SRP54: variants seen among roughly 807,000 people sequenced by gnomAD.
The protein encoded by SRP54 is signal recognition particle subunit SRP54.
In SRP54, 10 loss-of-function variants were observed where a neutral mutation model predicts 64.8. That is an observed-to-expected ratio of 0.15 (90% CI 0.10 to 0.26). SRP54 has a LOEUF of 0.26. SRP54 is among the 10% of genes least tolerant of loss of function. The probability of loss-of-function intolerance (pLI) is 1.00; values close to 1 mark genes in which losing one functional copy is unlikely to be tolerated. For synonymous variants in SRP54, 193 were observed against 185.6 expected (o/e 1.04, Z -0.32); for missense variants, 325 against 613.7 (o/e 0.53, Z 4.97).
intron 1 of SRP54, among the ~76,000 whole-genome samples, chr14:34,993,984 C>T (rs1316747783): frequency 1.3e-5 from 2 of 150,342 alleles, no homozygotes; most frequent in Non-Finnish European, 3.0e-5. Flanking sequence ...CATGAGCCAC[C>T]GCACCTGGCC....
At chr14:34,995,365 A>G (rs1440709797) in intron 1 of SRP54, among the ~76,000 whole-genome samples, 2 of 152,134 alleles carry the variant, frequency 1.3e-5, no homozygotes, top group East Asian at 3.9e-4. Flanking sequence ...TCAGAGAGCC[A>G]TTGATGTAGT....
In SRP54 at chr14:34,987,286, TACACAC is replaced by T. The variant is rs374149631; in HGVS notation, c.-34+4083_-34+4088del. Among the ~76,000 whole-genome samples, 291 of 100,108 alleles carry T rather than the reference TACACAC, an allele frequency of 2.9e-3. 1 individual carries two copies. The highest frequency in any genetic ancestry group is 0.023 in the Middle Eastern group (5 of 218). The allele number at this position is 100,108 out of a possible 152,430, so 65.7% of individuals were successfully genotyped here. On this transcript the variant is annotated intron_variant, in intron 1 of 15. Transcript: ENST00000216774. The stretch of plus-strand genomic sequence containing the variant: ...GTGTGTGTGTGTGTGTATATATATA[TACACAC>T]ACACACACACATAATTCTTAGTTCA...
chr14:35,026,109 G>T (rs2044617097), intron 14 of SRP54, among the ~76,000 whole-genome samples: 1 of 138,790 alleles, frequency 7.2e-6, no homozygotes, highest in African/African-American at 2.6e-5. Context: ...TTGTAGTGAT[G>T]ATCTCTTGCT....
intron 1 of SRP54, among the ~76,000 whole-genome samples, chr14:34,996,078 A>AG (rs2044068562): frequency 6.6e-6 from 1 of 151,986 alleles, no homozygotes; most frequent in Non-Finnish European, 1.5e-5. Context: ...AAAAAAAAAA[A>AG]AAGAGTAAAA....
chr14:34,996,404 T>A lies in SRP54; in HGVS notation c.-33-273T>A, dbSNP rs748855998. ...AAAAAAGAACATATTTAATGTGAGA[T>A]TATGTCATTATTTCCTCAAAGTATG... On this transcript the variant is annotated intron_variant, in intron 1 of 15. Transcript: ENST00000216774. Among the ~76,000 whole-genome samples the A allele has an allele frequency of 3.2e-4, 49 of 152,328 alleles. 1 individual carries two copies. Among genetic ancestry groups the A allele is most frequent in the Middle Eastern group, 6.8e-3 (2 of 294 alleles).
chr14:34,988,578 A>AAAAATATATATAT, intron 1 of SRP54, among the ~76,000 whole-genome samples: 1 of 47,102 alleles, frequency 2.1e-5, no homozygotes. Flanking sequence ...AAAAAAAAAA[A>AAAAATATATATAT]ATATATATAT....
intron 1 of SRP54, among the ~76,000 whole-genome samples, chr14:34,996,308 C>T (rs1291671427): frequency 6.6e-6 from 1 of 152,000 alleles, no homozygotes; most frequent in Admixed American, 6.6e-5. Flanking sequence ...CTGGAGATTT[C>T]ACCTTTTTCT....
At chr14:34,996,377 CA>C (rs2044073712) in intron 1 of SRP54, among the ~76,000 whole-genome samples, 3 of 151,344 alleles carry the variant, frequency 2.0e-5, no homozygotes, top group African/African-American at 4.9e-5. Flanking sequence ...AGTATTGTGC[CA>C]AAAAAAGAAC....
intron 8 of SRP54, among the ~76,000 whole-genome samples, chr14:35,012,475 A>G (rs542762426): frequency 6.6e-6 from 1 of 152,258 alleles, no homozygotes; most frequent in East Asian, 1.9e-4. Context: ...GTTAATGCTA[A>G]TAAGTTTCTT....
At chr14:35,015,356 G>T (rs2044421850) in intron 11 of SRP54, among the ~76,000 whole-genome samples, 1 of 152,006 alleles carries the variant, frequency 6.6e-6, no homozygotes, top group African/African-American at 2.4e-5. Flanking sequence ...GATTACAGGT[G>T]TGAACCACTG....
At chr14:34,985,877 AATGTC>A (rs1229807896) in intron 1 of SRP54, among the ~76,000 whole-genome samples, 2 of 152,192 alleles carry the variant, frequency 1.3e-5, no homozygotes, top group Non-Finnish European at 2.9e-5. Context: ...GCATTATCTA[AATGTC>A]ATTGAAATAA....
At chr14:35,016,861 C>CTTTTTTTTTTT (rs2044451054) in intron 11 of SRP54, among the ~76,000 whole-genome samples, 3 of 41,368 alleles carry the variant, frequency 7.3e-5, no homozygotes, top group East Asian at 8.1e-4. Context: ...TTTTTTTTTT[C>CTTTTTTTTTTT]TTCTTTTTTT....
intron 1 of SRP54, among the ~76,000 whole-genome samples, chr14:34,995,012 G>A (rs1024755814): frequency 7.0e-6 from 1 of 142,198 alleles, no homozygotes; most frequent in African/African-American, 2.6e-5. Flanking sequence ...CAACTCCTGA[G>A]CCCAAGTGAT....
At chr14:35,021,190 G>A (rs2044523336) in intron 13 of SRP54, among the ~76,000 whole-genome samples, 1 of 152,092 alleles carries the variant, frequency 6.6e-6, no homozygotes, top group African/African-American at 2.4e-5. Flanking sequence ...TTCACTTCTG[G>A]ACAATATACT....
chr14:34,988,232 G>C (rs2043927282), intron 1 of SRP54, among the ~76,000 whole-genome samples: 1 of 151,944 alleles, frequency 6.6e-6, no homozygotes, highest in South Asian at 2.1e-4. Context: ...TCCTAAATTT[G>C]AAAGTCATAA....
chr14:35,000,923 C>T lies in SRP54; in HGVS notation c.171-13C>T, dbSNP rs1452488268. On this transcript the variant is annotated splice_polypyrimidine_tract_variant and intron_variant, in intron 3 of 15. Coordinates refer to ENST00000216774, the MANE Select transcript of SRP54 (RefSeq NM_003136.4). ...TCTCCTCCCCACCCCAATCACCAACCACCATCATAAAGGTCTGCTATTGAT... is the reference window on the plus strand; with the variant it reads ...TCTCCTCCCCACCCCAATCACCAACTACCATCATAAAGGTCTGCTATTGAT... 17 of 1,525,390 alleles carry T rather than the reference C, an allele frequency of 1.1e-5. No individual in the cohort carries two copies. Among genetic ancestry groups the T allele is most frequent in the African/African-American group, 2.8e-5 (2 of 71,010 alleles). 94.5% of individuals were successfully genotyped at this position (1,525,390 alleles called of 1,614,324 possible). A position where few individuals can be genotyped will look rare whatever the true frequency, so the allele number is the denominator to read the frequency against.
intron 3 of SRP54, 115 bp from the exon 4 acceptor site, chr14:35,000,821 C>G: frequency 4.2e-6 from 2 of 474,612 alleles, no homozygotes; most frequent in Non-Finnish European, 7.5e-6. Context: ...AATTGGAAGA[C>G]TATTAATATG....
At chr14:34,994,341 G>A (rs2044032451) in intron 1 of SRP54, among the ~76,000 whole-genome samples, 2 of 152,140 alleles carry the variant, frequency 1.3e-5, no homozygotes, top group South Asian at 4.1e-4. Context: ...CTGTAGAAGG[G>A]ATCTAGTCTG....
At chr14:34,988,560 C>CAAAA (rs1160365086) in intron 1 of SRP54, among the ~76,000 whole-genome samples, 320 of 26,184 alleles carry the variant, frequency 0.012, 20 homozygotes, top group Middle Eastern at 0.031. Context: ...GACTCCATCT[C>CAAAA]AAAAAAAAAA....
Sources: gnomAD v4.1 joint callset for allele counts (sites outside exome capture counted in the v4.1 genomes callset) on GRCh38, gnomAD v4.1.1 for gene constraint, MANE v1.5 for transcripts, NCBI Gene and HGNC (gene_info 2026-07-23, HGNC 2026-07-21) for gene names.